The following ITPKA variants were observed in gnomAD, a reference collection of about 807,000 sequenced individuals.
The protein encoded by ITPKA is IP3 3-kinase A.
ITPKA carries 16 observed loss-of-function variants against 40.7 expected under a neutral mutation model. The observed-to-expected ratio is 0.39, with a 90% CI of 0.27 to 0.60. The LOEUF (loss-of-function observed/expected upper bound fraction) is 0.60, where lower values mean the gene tolerates loss of function less well. ITPKA is among the 20% of genes least tolerant of loss of function. The pLI is 0.50. For missense variants in ITPKA, 540 were observed against 649.3 expected, an observed-to-expected ratio of 0.83 and a Z score of 1.83; for synonymous variants, 313 against 289.9, an observed-to-expected ratio of 1.08 and a Z score of -0.81.
At chr15:41,495,399 C>T (rs1187112119) in intron 1 of ITPKA, among the ~76,000 whole-genome samples, 3 of 152,196 alleles carry the variant, frequency 2.0e-5, no homozygotes, top group Admixed American at 1.3e-4. Flanking sequence ...CGGGTCGGCG[C>T]GGCGGGGCGG....
chr15:41,496,062 A>C, intron 1 of ITPKA, among the ~76,000 whole-genome samples: 1 of 151,844 alleles, frequency 6.6e-6, no homozygotes, highest in South Asian at 2.1e-4. Context: ...GGCCTTCCCC[A>C]CCCCCAGGCC....
chr15:41,502,925 C>T (rs755951619), intron 6 of ITPKA, 38 bp from the exon 7 acceptor site: 1 of 1,599,536 alleles, frequency 6.3e-7, no homozygotes, highest in South Asian at 1.1e-5. Context: ...AAGGGCGTCT[C>T]TGGGCAGGGC....
In ITPKA at chr15:41,501,456, C is replaced by T. The variant is rs200037888; in HGVS notation, c.490-7C>T. On this transcript the variant is annotated splice_polypyrimidine_tract_variant and splice_region_variant and intron_variant, in intron 1 of 6. Transcript: ENST00000260386. Reference sequence around the variant, plus strand: ...CGATTATCAGACCTTGACCCTGTCGCTTTCAGAAAAACCACTGGCAGAAGA... The same window carrying T: ...CGATTATCAGACCTTGACCCTGTCGTTTTCAGAAAAACCACTGGCAGAAGA... 4.4e-5 allele frequency: 71 copies of T among 1,605,802 alleles called. No homozygotes were observed. The highest frequency in any genetic ancestry group is 6.7e-5 in the South Asian group (6 of 89,212).
chr15:41,502,066 A>G lies in ITPKA; in HGVS notation c.873A>G (p.Lys291=). ...AGCTGCGGAAGGACATGTACAAGAA[A>G]ATGCTGGCGGTGGATCCTGAAGCTC... ...RPKLRKDMYK[K]MLAVDPEAPT... The change falls in exon 4 of 7, where the codon AAA becomes AAG. Residue 291 remains lysine, a synonymous_variant. Transcript: ENST00000260386. 2.5e-6 allele frequency: 4 copies of G among 1,613,268 alleles called. No homozygotes were observed. Among genetic ancestry groups the G allele is most frequent in the Non-Finnish European group, 3.4e-6 (4 of 1,179,944 alleles).
chr15:41,502,588 G>T, intron 5 of ITPKA, 85 bp downstream of exon 5: 1 of 968,116 alleles, frequency 1.0e-6, no homozygotes, highest in Admixed American at 1.9e-5. Context: ...GCCCTCGGCT[G>T]TGTCCCCACC....
In ITPKA at chr15:41,494,453, G is replaced by T; in HGVS notation, c.489+37G>T. On this transcript the variant is annotated intron_variant, in intron 1 of 6. Transcript: ENST00000260386. This position sits in a 1 kb window ranked among gnomAD's most constrained non-coding sequence, Gnocchi z 7.8. Reference sequence around the variant, plus strand: ...GGGGGCGGGGCCAGCGCCGGGCGCGGGGGCTGCACGGGGGACCTGGCTGGG... The same window carrying T: ...GGGGGCGGGGCCAGCGCCGGGCGCGTGGGCTGCACGGGGGACCTGGCTGGG... The T allele has an allele frequency of 7.5e-7, 1 of 1,327,042 alleles. No individual in the cohort carries two copies. Among genetic ancestry groups the T allele is most frequent in the Middle Eastern group, 2.4e-4 (1 of 4,118 alleles). 82.2% of individuals were successfully genotyped at this position (1,327,042 alleles called of 1,614,324 possible).
chr15:41,496,179 C>A (rs539427821), intron 1 of ITPKA, among the ~76,000 whole-genome samples: 1 of 152,260 alleles, frequency 6.6e-6, no homozygotes, highest in East Asian at 1.9e-4. Context: ...GCGGACTTTG[C>A]CTCGCCGCAG....
chr15:41,502,366 G>C, intron 4 of ITPKA, 36 bp from the exon 5 acceptor site: 2 of 1,492,430 alleles, frequency 1.3e-6, no homozygotes, highest in South Asian at 1.1e-5. Flanking sequence ...CCCACTGGCG[G>C]GCCCGGGGCC....
Position 41,494,329 on chromosome 15 carries a change from C to G in ITPKA, c.402C>G (p.Leu134=). 1 of 1,531,532 alleles carries G rather than the reference C, an allele frequency of 6.5e-7. No homozygotes were observed. The highest frequency in any genetic ancestry group is 1.2e-5 in the South Asian group (1 of 82,208). The allele number at this position is 1,531,532 out of a possible 1,614,324, so 94.9% of individuals were successfully genotyped here. A position where few individuals can be genotyped will look rare whatever the true frequency, so the allele number is the denominator to read the frequency against. Residue 134 remains leucine, a synonymous_variant, in exon 1 of 7, where the codon CTC becomes CTG. Transcript: ENST00000260386. This position sits in a 1 kb window ranked among gnomAD's most constrained non-coding sequence, Gnocchi z 7.8. ...SVSSTGSSSL[L]EDSEDDLLSD... ...CCTCCACTGGCTCCTCGTCGCTGCT[C>G]GAGGACTCGGAGGACGACCTGCTGA...
Position 41,503,529 on chromosome 15 carries a change from C to T in ITPKA, c.*363C>T, listed in dbSNP as rs1460917637. On this transcript the variant is annotated 3_prime_UTR_variant, in exon 7 of 7. Transcript: ENST00000260386. ...TCTCACACCACGACGGACTCCCCTT[C>T]CTAATAAAACTCAAAGACAAGATGC... 1.7e-6 allele frequency: 1 copy of T among 585,682 alleles called. No individual in the cohort carries two copies. The highest frequency in any genetic ancestry group is 3.3e-6 in the Non-Finnish European group (1 of 304,166). 36.3% of individuals were successfully genotyped at this position (585,682 alleles called of 1,614,324 possible). A position where few individuals can be genotyped will look rare whatever the true frequency, so the allele number is the denominator to read the frequency against.
In ITPKA at chr15:41,502,199, A is replaced by G; in HGVS notation, c.1006A>G (p.Lys336Glu). The change falls in exon 4 of 7, where the codon AAG becomes GAG. Residue 336 changes from lysine (K) to glutamate (E), a missense_variant and splice_region_variant. Transcript: ENST00000260386. ...CCTCGGCTTCCGCATCGAGGGCATC[A>G]AGGTGAGGCAGGCGCGCTTCGCTGG... Reference protein sequence around the residue: ...TTLGFRIEGIKKADGSCSTDF... With the variant: ...TTLGFRIEGIEKADGSCSTDF... 6.4e-7 allele frequency: 1 copy of G among 1,570,910 alleles called. No homozygotes were observed. Among genetic ancestry groups the G allele is most frequent in the Non-Finnish European group, 8.6e-7 (1 of 1,157,788 alleles).
intron 1 of ITPKA, among the ~76,000 whole-genome samples, chr15:41,498,019 G>A (rs563812279): frequency 6.6e-6 from 1 of 152,158 alleles, no homozygotes; most frequent in East Asian, 1.9e-4. Context: ...AGGCGTTGGT[G>A]GTGCACGCCT....
Position 41,502,178 on chromosome 15 carries a change from G to A in ITPKA, c.985G>A (p.Gly329Ser). The change falls in exon 4 of 7, where the codon GGC becomes AGC. Residue 329 changes from glycine (G) to serine (S), a missense_variant. Gly to Ser is a moderately conservative substitution (Grantham distance 56). Coordinates refer to ENST00000260386, the MANE Select transcript of ITPKA (RefSeq NM_002220.3). ...AGGCATCAGCTCCAGCACCACCCTC[G>A]GCTTCCGCATCGAGGGCATCAAGGT... is the stretch of plus-strand genomic sequence containing the variant. The part of the protein sequence containing the change: ...REGISSSTTL[G>S]FRIEGIKKAD... 1.3e-6 allele frequency: 2 copies of A among 1,585,960 alleles called. No homozygotes were observed. The highest frequency in any genetic ancestry group is 1.1e-5 in the South Asian group (1 of 88,348).
chr15:41,502,852 G>T lies in ITPKA; in HGVS notation c.1175G>T (p.Arg392Met), dbSNP rs201490754. 3 of 1,612,910 alleles carry T rather than the reference G, an allele frequency of 1.9e-6. No individual in the cohort carries two copies. The highest frequency in any genetic ancestry group is 2.5e-6 in the Non-Finnish European group (3 of 1,179,610). ...DTLEVSEFFR[R>M]HEVIGSSLLF... ...CTGGAGGTATCCGAGTTCTTCAGGA[G>T]GCACGAGGTAAGCGGCGGCTGCCCG... Residue 392 changes from arginine to methionine, a missense_variant, in exon 6 of 7, where the codon AGG becomes ATG. Physicochemically the swap from Arg to Met is moderately conservative, Grantham distance 91 (BLOSUM62 -1). Coordinates refer to ENST00000260386, the MANE Select transcript of ITPKA (RefSeq NM_002220.3).
chr15:41,499,792 G>GT (rs2051097843), intron 1 of ITPKA, among the ~76,000 whole-genome samples: 1 of 152,150 alleles, frequency 6.6e-6, no homozygotes, highest in Non-Finnish European at 1.5e-5. Context: ...GTTGCGGGTG[G>GT]TAAGAGGAGA....
At chr15:41,498,671 T>G (rs1225054854) in intron 1 of ITPKA, among the ~76,000 whole-genome samples, 1 of 152,198 alleles carries the variant, frequency 6.6e-6, no homozygotes, top group Non-Finnish European at 1.5e-5. Flanking sequence ...GCCATTAAAC[T>G]CATTCTTTTG....
In ITPKA at chr15:41,502,467, CTTTGAAGAGT is replaced by C; in HGVS notation, c.1077_1086del (p.Phe359LeufsTer9). On this transcript the variant is annotated frameshift_variant, in exon 5 of 7. Coordinates refer to ENST00000260386, the MANE Select transcript of ITPKA (RefSeq NM_002220.3). LOFTEE classifies it high-confidence loss of function. ...GAAGCCGAGAGCAGGTGCTTCGCGT[CTTTGAAGAGT>C]TTGTGCAAGGAGATGAGGAAGTGCT... The C allele has an allele frequency of 6.2e-7, 1 of 1,602,068 alleles. No homozygotes were observed. Among genetic ancestry groups the C allele is most frequent in the Non-Finnish European group, 8.5e-7 (1 of 1,169,726 alleles).
intron 1 of ITPKA, among the ~76,000 whole-genome samples, chr15:41,499,013 C>T (rs1490491812): frequency 6.6e-6 from 1 of 152,166 alleles, no homozygotes; most frequent in African/African-American, 2.4e-5. Context: ...CCACTTCACG[C>T]ACTTGCTATG....
rs925610262 is a variant in ITPKA, at chr15:41,494,598, T to G, written c.489+182T>G. ...TGGCCGACCTCTCGCCTGGGCAACT[T>G]TCACCTCGGCTCCGCCGGCGGGTCG... On this transcript the variant is annotated intron_variant, in intron 1 of 6. Coordinates refer to ENST00000260386, the MANE Select transcript of ITPKA (RefSeq NM_002220.3). This position sits in a 1 kb window ranked among gnomAD's most constrained non-coding sequence, Gnocchi z 7.8. Among the ~76,000 whole-genome samples, 3 of 152,066 alleles carry G rather than the reference T, an allele frequency of 2.0e-5. No individual in the cohort carries two copies. The highest frequency in any genetic ancestry group is 2.9e-5 in the Non-Finnish European group (2 of 68,012).
Sources: gnomAD v4.1 joint callset for allele counts (sites outside exome capture counted in the v4.1 genomes callset) on GRCh38, gnomAD v4.1.1 for gene constraint, Gnocchi (gnomAD v3.1) non-coding constraint, MANE v1.5 for transcripts, NCBI Gene and HGNC (gene_info 2026-07-23, HGNC 2026-07-21) for gene names.